CRADD: variants seen among roughly 807,000 people sequenced by gnomAD.
CRADD encodes CARD and death domain containing adaptor protein.
In CRADD, 9 loss-of-function variants were observed where a neutral mutation model predicts 15.5. That is an observed-to-expected ratio of 0.58 (90% CI 0.35 to 1.01). The LOEUF (loss-of-function observed/expected upper bound fraction) is 1.01. CRADD is among the 50% of genes least tolerant of loss of function. The pLI is 0.02. For synonymous variants in CRADD, 118 were observed against 107.6 expected (o/e 1.10, Z -0.60); for missense variants, 227 against 250.3 (o/e 0.91, Z 0.63).
At chr12:93,797,239 A>G (rs1207909378) in intron 2 of CRADD, among the ~76,000 whole-genome samples, 1 of 152,210 alleles carries the variant, frequency 6.6e-6, no homozygotes, top group Non-Finnish European at 1.5e-5. Context: ...AGAGAAAGAA[A>G]GAGAGGGGAG....
intron 2 of CRADD, among the ~76,000 whole-genome samples, chr12:93,829,365 C>A (rs895393052): frequency 3.9e-5 from 6 of 152,006 alleles, no homozygotes; most frequent in Admixed American, 3.9e-4. Flanking sequence ...AAATCAAACC[C>A]CTATAAGGCT....
intron 1 of CRADD, 101 bp from the exon 2 acceptor site, chr12:93,678,668 A>G (rs1455307210): frequency 7.9e-7 from 1 of 1,262,264 alleles, no homozygotes; most frequent in East Asian, 2.4e-5. Flanking sequence ...GCTATGGTTT[A>G]AAGATGTGCT....
At chr12:93,889,200 A>C (rs1958559024) in intron 2 of CRADD, among the ~76,000 whole-genome samples, 2 of 152,176 alleles carry the variant, frequency 1.3e-5, no homozygotes, top group African/African-American at 4.8e-5. Context: ...ACCATATGCA[A>C]GTAATTAAAA....
intron 2 of CRADD, among the ~76,000 whole-genome samples, chr12:93,827,301 C>T (rs1957834912): frequency 6.6e-6 from 1 of 152,180 alleles, no homozygotes; most frequent in South Asian, 2.1e-4. Context: ...TAGAATTTCA[C>T]ATAAATGGAG....
chr12:93,694,762 A>T (rs546055819), intron 2 of CRADD, among the ~76,000 whole-genome samples: 1 of 152,290 alleles, frequency 6.6e-6, no homozygotes, highest in South Asian at 2.1e-4. Flanking sequence ...CAAGGATGTG[A>T]AAAACCTGTA....
At chr12:93,820,207 C>T (rs1460551814) in intron 2 of CRADD, among the ~76,000 whole-genome samples, 1 of 152,146 alleles carries the variant, frequency 6.6e-6, no homozygotes, top group Admixed American at 6.5e-5. Context: ...CATCTGAGTT[C>T]AAGAATCATC....
chr12:93,727,443 A>G (rs1163202067), intron 2 of CRADD, among the ~76,000 whole-genome samples: 1 of 152,222 alleles, frequency 6.6e-6, no homozygotes, highest in East Asian at 1.9e-4. Flanking sequence ...GTCACTATCC[A>G]GGAGACACAC....
rs375137822 is a variant in CRADD, at chr12:93,877,039, C to T, written c.299-17011C>T. Reference sequence around the variant, plus strand: ...ATCTGCTTCACTGGGCACCCCAAGCCCAGTAACACTGTGGTTCTTGTAGAC... The same window carrying T: ...ATCTGCTTCACTGGGCACCCCAAGCTCAGTAACACTGTGGTTCTTGTAGAC... On this transcript the variant is annotated intron_variant, in intron 2 of 2. Coordinates refer to the CRADD transcript ENST00000548483. Among the ~76,000 whole-genome samples the T allele has an allele frequency of 2.8e-4, 36 of 129,702 alleles. No homozygotes were observed. The East Asian group carries it at 6.0e-3, about 22-fold the overall frequency. 85.1% of individuals were successfully genotyped at this position (129,702 alleles called of 152,430 possible).
chr12:93,808,575 TG>T (rs1467597035), intron 2 of CRADD, among the ~76,000 whole-genome samples: 1 of 152,152 alleles, frequency 6.6e-6, no homozygotes, highest in Non-Finnish European at 1.5e-5. Flanking sequence ...TGCAGCACTG[TG>T]CCCACCCAGT....
intron 2 of CRADD, among the ~76,000 whole-genome samples, chr12:93,859,733 T>C (rs1035704134): frequency 1.3e-5 from 2 of 149,180 alleles, no homozygotes; most frequent in African/African-American, 2.6e-5. Context: ...GTCTCTCTCT[T>C]TTTTTTTAAG....
intron 2 of CRADD, among the ~76,000 whole-genome samples, chr12:93,740,099 A>T (rs1015942922): frequency 1.3e-5 from 2 of 152,190 alleles, no homozygotes; most frequent in African/African-American, 4.8e-5. Flanking sequence ...ATATAGAAGT[A>T]AAAATATATT....
downstream of CRADD, among the ~76,000 whole-genome samples, chr12:93,855,623 C>G (rs1430347627): frequency 2.0e-5 from 3 of 152,286 alleles, no homozygotes; most frequent in South Asian, 2.1e-4. Context: ...GTATCTAAGG[C>G]TCTGTCACTT....
intron 2 of CRADD, among the ~76,000 whole-genome samples, chr12:93,845,838 C>T (rs912207726): frequency 2.0e-5 from 3 of 152,020 alleles, no homozygotes; most frequent in African/African-American, 7.2e-5. Context: ...TTTAAATGTA[C>T]AATTCAGTTG....
intron 2 of CRADD, among the ~76,000 whole-genome samples, chr12:93,715,102 C>G (rs1352686408): frequency 6.6e-6 from 1 of 151,964 alleles, no homozygotes; most frequent in Non-Finnish European, 1.5e-5. Context: ...TTTTAGCTGC[C>G]ATTGATGATT....
chr12:93,789,067 TG>T (rs1957320011), intron 2 of CRADD, among the ~76,000 whole-genome samples: 1 of 152,014 alleles, frequency 6.6e-6, no homozygotes, highest in African/African-American at 2.4e-5. Flanking sequence ...ACTGGGGTGG[TG>T]GTTCCTTTTT....
chr12:93,861,048 T>C (rs1958315809), intron 2 of CRADD, among the ~76,000 whole-genome samples: 1 of 152,170 alleles, frequency 6.6e-6, no homozygotes, highest in Non-Finnish European at 1.5e-5. Flanking sequence ...CATACATTTA[T>C]CTTTTAACAG....
At chr12:93,768,735 C>T (rs982084372) in intron 2 of CRADD, among the ~76,000 whole-genome samples, 2 of 152,088 alleles carry the variant, frequency 1.3e-5, no homozygotes, top group Non-Finnish European at 2.9e-5. Flanking sequence ...CCTAAGTGTA[C>T]AACTCAGTTT....
intron 2 of CRADD, among the ~76,000 whole-genome samples, chr12:93,765,159 A>G (rs1382492154): frequency 1.3e-5 from 2 of 152,216 alleles, no homozygotes; most frequent in Non-Finnish European, 2.9e-5. Context: ...ATTAATGAAT[A>G]GATTGATGCA....
chr12:93,684,779 G>T (rs1013551731), intron 2 of CRADD, among the ~76,000 whole-genome samples: 7 of 152,216 alleles, frequency 4.6e-5, no homozygotes, highest in Non-Finnish European at 1.0e-4. Flanking sequence ...TTTGGCTGCA[G>T]AGTTGATACA....
Sources: gnomAD v4.1 joint callset for allele counts (sites outside exome capture counted in the v4.1 genomes callset) on GRCh38, gnomAD v4.1.1 for gene constraint, MANE v1.5 for transcripts, NCBI Gene and HGNC (gene_info 2026-07-23, HGNC 2026-07-21) for gene names.